ZNF536: variants seen among roughly 807,000 people sequenced by gnomAD.
ZNF536 encodes zinc finger protein 536.
Under a neutral mutation model 84.5 loss-of-function variants are expected in ZNF536, and 13 were observed. The ratio of observed to expected loss-of-function variants is 0.15; its 90% CI spans 0.10 to 0.24. The LOEUF is 0.24. ZNF536 is among the 10% of genes least tolerant of loss of function. The probability of loss-of-function intolerance (pLI) is 1.00; values close to 1 mark genes in which losing one functional copy is unlikely to be tolerated. For synonymous variants in ZNF536, 811 were observed against 742.5 expected (o/e 1.09, Z -1.50); for missense variants, 1,536 against 1,747.5 (o/e 0.88, Z 2.16).
chr19:30,683,441 T>C (rs551088976), intron 1 of ZNF536, among the ~76,000 whole-genome samples: 200 of 152,358 alleles, frequency 1.3e-3, no homozygotes, highest in African/African-American at 4.5e-3. Flanking sequence ...GTGTTAGAGC[T>C]GTTTCTATGA....
chr19:30,622,947 GT>G (rs566308884), intron 1 of ZNF536, among the ~76,000 whole-genome samples: 128 of 141,028 alleles, frequency 9.1e-4, no homozygotes, highest in Admixed American at 9.8e-4. Flanking sequence ...TCCTCCTAGA[GT>G]TTTTTTTTTT....
chr19:30,648,347 G>C (rs1283029264), intron 1 of ZNF536, among the ~76,000 whole-genome samples: 2 of 152,140 alleles, frequency 1.3e-5, no homozygotes, highest in African/African-American at 2.4e-5. Flanking sequence ...TGCGTGCTGA[G>C]ACATCACTCT....
chr19:30,350,916 T>C (rs754260283), intron 2 of ZNF536, among the ~76,000 whole-genome samples: 6 of 152,198 alleles, frequency 3.9e-5, no homozygotes, highest in Admixed American at 6.6e-5. Context: ...CCTCCAAGTC[T>C]CAGAATGTTT....
chr19:30,570,613 G>A (rs558827187), intron 1 of ZNF536, among the ~76,000 whole-genome samples: 132 of 152,094 alleles, frequency 8.7e-4, no homozygotes, highest in Non-Finnish European at 1.7e-3. Context: ...AGATTTCAGC[G>A]CCACTGAGAA....
chr19:30,250,200 A>C (rs773134839), intron 1 of ZNF536, among the ~76,000 whole-genome samples: 39 of 152,212 alleles, frequency 2.6e-4, no homozygotes, highest in Non-Finnish European at 4.0e-4. Context: ...TGGTGTTTAC[A>C]TTCCACCATG....
intron 1 of ZNF536, among the ~76,000 whole-genome samples, chr19:30,646,122 T>C (rs1294816415): frequency 6.6e-6 from 1 of 152,140 alleles, no homozygotes; most frequent in Non-Finnish European, 1.5e-5. Flanking sequence ...TCAGCTCTGG[T>C]TTGGCTTGTA....
intron 2 of ZNF536, among the ~76,000 whole-genome samples, chr19:30,525,170 A>G (rs966125129): frequency 1.3e-5 from 2 of 152,126 alleles, no homozygotes; most frequent in African/African-American, 2.4e-5. Context: ...GGTTCCTTCC[A>G]CCTGGATGGA....
intron 1 of ZNF536, among the ~76,000 whole-genome samples, chr19:30,686,245 C>T (rs942323215): frequency 6.6e-6 from 1 of 152,092 alleles, no homozygotes; most frequent in African/African-American, 2.4e-5. Context: ...CCCCCAACTC[C>T]CAGGAATCAA....
At chr19:30,657,044 C>T (rs958088212) in intron 1 of ZNF536, among the ~76,000 whole-genome samples, 3 of 152,302 alleles carry the variant, frequency 2.0e-5, no homozygotes, top group South Asian at 2.1e-4. Context: ...TCATCCGAAA[C>T]CACAGAGATG....
At chr19:30,588,761 G>T (rs2047180992) in intron 1 of ZNF536, among the ~76,000 whole-genome samples, 1 of 152,106 alleles carries the variant, frequency 6.6e-6, no homozygotes, top group South Asian at 2.1e-4. Context: ...TGTTTTATTT[G>T]TGTGAATATT....
intron 1 of ZNF536, among the ~76,000 whole-genome samples, chr19:30,238,830 A>AT (rs906672529): frequency 8.3e-4 from 115 of 139,262 alleles, no homozygotes; most frequent in East Asian, 5.8e-3. Flanking sequence ...AATTAAAAAA[A>AT]AAATATATAT....
chr19:30,410,135 C>G (rs1430763587), intron 1 of ZNF536, among the ~76,000 whole-genome samples: 1 of 152,082 alleles, frequency 6.6e-6, no homozygotes, highest in African/African-American at 2.4e-5. Context: ...TTAATGTATT[C>G]CTTTACTTTT....
At chr19:30,685,175 G>T (rs576849544) in intron 1 of ZNF536, among the ~76,000 whole-genome samples, 1 of 152,250 alleles carries the variant, frequency 6.6e-6, no homozygotes, top group East Asian at 1.9e-4. Flanking sequence ...AAGGGGTTTG[G>T]GTGTGTCCCA....
At chr19:30,635,370 T>C (rs2049030543) in intron 1 of ZNF536, among the ~76,000 whole-genome samples, 1 of 152,238 alleles carries the variant, frequency 6.6e-6, no homozygotes, top group South Asian at 2.1e-4. Flanking sequence ...TTTGTGGTTG[T>C]TGCTTTGTGT....
chr19:30,414,986 T>C (rs999264365), intron 1 of ZNF536, among the ~76,000 whole-genome samples: 3 of 152,226 alleles, frequency 2.0e-5, no homozygotes, highest in African/African-American at 4.8e-5. Flanking sequence ...TTCTCATTCC[T>C]ATGTGGGTAA....
intron 1 of ZNF536, among the ~76,000 whole-genome samples, chr19:30,685,925 T>C (rs2051161217): frequency 6.6e-6 from 1 of 152,190 alleles, no homozygotes; most frequent in Non-Finnish European, 1.5e-5. Flanking sequence ...AGGCCATCTG[T>C]ATCTCTGCAA....
At chr19:30,643,846 A>G (rs942733880) in intron 1 of ZNF536, among the ~76,000 whole-genome samples, 24 of 152,210 alleles carry the variant, frequency 1.6e-4, no homozygotes, top group Admixed American at 8.5e-4. Flanking sequence ...GCCATGCTTG[A>G]GTGAACTCCA....
At chr19:30,501,023 G>A (rs540614653) in intron 2 of ZNF536, among the ~76,000 whole-genome samples, 2 of 152,276 alleles carry the variant, frequency 1.3e-5, no homozygotes, top group East Asian at 1.9e-4. Flanking sequence ...GACCTGTCAT[G>A]TAGAGTTTCA....
intron 1 of ZNF536, among the ~76,000 whole-genome samples, chr19:30,671,732 T>C (rs2050563503): frequency 6.6e-6 from 1 of 152,152 alleles, no homozygotes; most frequent in Non-Finnish European, 1.5e-5. Flanking sequence ...TAGGTATAAA[T>C]AGATACTCAG....
Sources: allele counts gnomAD v4.1 joint callset (sites outside exome capture counted in the v4.1 genomes callset), GRCh38; gene constraint gnomAD v4.1.1; transcripts MANE v1.5; gene names NCBI Gene and HGNC (gene_info 2026-07-23, HGNC 2026-07-21).